ITGBL1: variants seen among roughly 807,000 people sequenced by gnomAD.
ITGBL1 encodes the protein integrin beta-like protein 1.
A neutral mutation model predicts 68.5 loss-of-function variants in ITGBL1; 51 were observed. The observed-to-expected ratio is 0.74, with a 90% confidence interval of 0.59 to 0.94. ITGBL1 has a LOEUF of 0.94. ITGBL1 is among the 40% of genes least tolerant of loss of function. The pLI is 0.00. For missense variants in ITGBL1, 649 were observed against 647.4 expected (o/e 1.00, Z -0.03); for synonymous variants, 209 against 227.3 (o/e 0.92, Z 0.72).
intron 2 of ITGBL1, among the ~76,000 whole-genome samples, chr13:101,471,196 A>T (rs2048451967): frequency 6.6e-6 from 1 of 152,164 alleles, no homozygotes; most frequent in African/African-American, 2.4e-5. Context: ...GAAAGACTAT[A>T]TGGGTTCCAA....
chr13:101,568,324 ATTT>A (rs1277461340), intron 3 of ITGBL1, among the ~76,000 whole-genome samples: 1 of 152,130 alleles, frequency 6.6e-6, no homozygotes, highest in Non-Finnish European at 1.5e-5. Flanking sequence ...TGATCAAAAT[ATTT>A]TTTATTTCAT....
chr13:101,461,987 C>T (rs764108977), intron 2 of ITGBL1, among the ~76,000 whole-genome samples: 2 of 152,106 alleles, frequency 1.3e-5, no homozygotes, highest in African/African-American at 2.4e-5. Context: ...GGAGAGAATC[C>T]GTTTCCTGGT....
chr13:101,642,011 C>T (rs1432776638), intron 7 of ITGBL1, among the ~76,000 whole-genome samples: 7 of 151,804 alleles, frequency 4.6e-5, no homozygotes, highest in Non-Finnish European at 8.8e-5. Flanking sequence ...TGAAGAGTGC[C>T]GCAATAAACA....
chr13:101,665,828 C>G (rs2033200849), intron 7 of ITGBL1, among the ~76,000 whole-genome samples: 2 of 152,126 alleles, frequency 1.3e-5, no homozygotes, highest in Non-Finnish European at 2.9e-5. Flanking sequence ...TCATAAGAGA[C>G]TGCCAAAACC....
At chr13:101,481,228 G>T (rs996809067) in intron 2 of ITGBL1, among the ~76,000 whole-genome samples, 1 of 151,756 alleles carries the variant, frequency 6.6e-6, no homozygotes, top group Admixed American at 6.6e-5. Context: ...GGCAGGCAAT[G>T]TGAGCAGAGA....
chr13:101,477,679 C>T (rs183493756), intron 2 of ITGBL1, among the ~76,000 whole-genome samples: 1 of 152,046 alleles, frequency 6.6e-6, no homozygotes, highest in East Asian at 1.9e-4. Flanking sequence ...TCATTTGTGA[C>T]TACTATGAAC....
At chr13:101,491,188 T>A (rs970626180) in intron 2 of ITGBL1, among the ~76,000 whole-genome samples, 2 of 152,220 alleles carry the variant, frequency 1.3e-5, no homozygotes, top group Non-Finnish European at 2.9e-5. Flanking sequence ...TTAAAGATTA[T>A]GAATAAAATG....
At chr13:101,581,799 G>A (rs538310951) in intron 5 of ITGBL1, among the ~76,000 whole-genome samples, 1 of 152,248 alleles carries the variant, frequency 6.6e-6, no homozygotes, top group African/African-American at 2.4e-5. Context: ...ATTAAAGTGA[G>A]CTATAAGTCT....
At chr13:101,609,812 C>G (rs550218574) in intron 7 of ITGBL1, among the ~76,000 whole-genome samples, 154 of 152,074 alleles carry the variant, frequency 1.0e-3, no homozygotes, top group African/African-American at 3.6e-3. Context: ...TGTATTACTA[C>G]CAAGTAAGAG....
chr13:101,607,483 A>T (rs1320448200), intron 7 of ITGBL1, among the ~76,000 whole-genome samples: 1 of 151,996 alleles, frequency 6.6e-6, no homozygotes, highest in African/African-American at 2.4e-5. Context: ...AATTCAATCA[A>T]TCCTCTTTTT....
chr13:101,568,659 G>A (rs2050220417), intron 3 of ITGBL1, among the ~76,000 whole-genome samples: 1 of 152,014 alleles, frequency 6.6e-6, no homozygotes, highest in African/African-American at 2.4e-5. Context: ...TAATATAGAT[G>A]AGTGTGTGAC....
chr13:101,592,255 C>T (rs1040108650), intron 6 of ITGBL1, among the ~76,000 whole-genome samples: 2 of 152,032 alleles, frequency 1.3e-5, no homozygotes, highest in Non-Finnish European at 2.9e-5. Context: ...TTGTAAACTC[C>T]ATGTAGGTTA....
At chr13:101,537,758 T>G (rs1196245081) in intron 2 of ITGBL1, among the ~76,000 whole-genome samples, 1 of 152,058 alleles carries the variant, frequency 6.6e-6, no homozygotes, top group Non-Finnish European at 1.5e-5. Context: ...CATTTTTACC[T>G]TAGAATGAAC....
intron 3 of ITGBL1, among the ~76,000 whole-genome samples, chr13:101,570,899 G>A (rs2050261219): frequency 6.6e-6 from 1 of 152,062 alleles, no homozygotes; most frequent in African/African-American, 2.4e-5. Flanking sequence ...CATTTATGAG[G>A]CCTAACTGGC....
chr13:101,591,731 A>G (rs1327718064), intron 6 of ITGBL1, among the ~76,000 whole-genome samples: 5 of 152,304 alleles, frequency 3.3e-5, no homozygotes, highest in African/African-American at 1.2e-4. Context: ...GACAGCATGC[A>G]TTTTCATCCA....
At chr13:101,652,080 TA>T (rs1040524172) in intron 7 of ITGBL1, among the ~76,000 whole-genome samples, 4 of 151,914 alleles carry the variant, frequency 2.6e-5, no homozygotes, top group South Asian at 2.1e-4. Flanking sequence ...TGTGACTTTT[TA>T]AAAAAAATTA....
intron 2 of ITGBL1, among the ~76,000 whole-genome samples, chr13:101,515,474 A>G (rs2049180378): frequency 6.6e-6 from 1 of 152,070 alleles, no homozygotes; most frequent in East Asian, 1.9e-4. Flanking sequence ...GAGTCTTTCC[A>G]CTAGTTCTTG....
At chr13:101,597,882 A>G (rs1014000085) in intron 6 of ITGBL1, among the ~76,000 whole-genome samples, 3 of 152,002 alleles carry the variant, frequency 2.0e-5, no homozygotes, top group Non-Finnish European at 2.9e-5. Flanking sequence ...CAGCAAACCA[A>G]TACAATCACA....
chr13:101,571,497 A>G (rs1374552261), intron 3 of ITGBL1, among the ~76,000 whole-genome samples: 3 of 152,002 alleles, frequency 2.0e-5, no homozygotes, highest in African/African-American at 7.2e-5. Flanking sequence ...ATTCCTTCCC[A>G]TCTGTATTAA....
Sources: gnomAD v4.1 joint callset for allele counts (sites outside exome capture counted in the v4.1 genomes callset) on GRCh38, gnomAD v4.1.1 for gene constraint, MANE v1.5 for transcripts, NCBI Gene and HGNC (gene_info 2026-07-23, HGNC 2026-07-21) for gene names.